Variants in MARCHF8 observed in about 807,000 individuals in gnomAD.
The protein encoded by MARCHF8 is E3 ubiquitin-protein ligase MARCHF8.
In MARCHF8, 40 loss-of-function variants were observed where a neutral mutation model predicts 51.6. The ratio of observed to expected loss-of-function variants is 0.77; its 90% confidence interval spans 0.60 to 1.01. The LOEUF (loss-of-function observed/expected upper bound fraction) is 1.01. MARCHF8 is among the 50% of genes least tolerant of loss of function. The pLI, the probability that MARCHF8 is intolerant of heterozygous loss-of-function variation, is 0.00. For missense variants in MARCHF8, 685 were observed against 708.6 expected, an observed-to-expected ratio of 0.97 and a Z score of 0.38; for synonymous variants, 263 against 280.3, an observed-to-expected ratio of 0.94 and a Z score of 0.62.
Position 45,535,348 on chromosome 10 carries a change from T to C in MARCHF8, c.-216A>G, listed in dbSNP as rs1169057731. On this transcript the variant is annotated 5_prime_UTR_variant, in exon 1 of 8. It adds an upstream start codon to the 5' untranslated region. Coordinates refer to ENST00000453424, the MANE Select transcript of MARCHF8 (RefSeq NM_001282866.2). The stretch of plus-strand genomic sequence containing the variant: ...TTGGAATACTTGGTCAAACTGACGA[T>C]ATCCACAGCCCTATACCTACCATGC... 1 of 152,238 alleles carries C rather than the reference T, an allele frequency of 6.6e-6. No homozygotes were observed. The highest frequency in any genetic ancestry group is 1.5e-5 in the Non-Finnish European group (1 of 68,048). 9.4% of individuals were successfully genotyped at this position (152,238 alleles called of 1,614,324 possible). A position where few individuals can be genotyped will look rare whatever the true frequency, so the allele number is the denominator to read the frequency against.
At chr10:45,469,186 C>T (rs1843075536) in intron 3 of MARCHF8, among the ~76,000 whole-genome samples, 1 of 152,020 alleles carries the variant, frequency 6.6e-6, no homozygotes, top group African/African-American at 2.4e-5. Flanking sequence ...GGCACCACTG[C>T]CATCTGTGCT....
chr10:45,558,653 G>T, intron 1 of MARCHF8, among the ~76,000 whole-genome samples: 1 of 152,160 alleles, frequency 6.6e-6, no homozygotes, highest in East Asian at 1.9e-4. Flanking sequence ...GGTGCCAGGC[G>T]CACGGTGGTG....
chr10:45,464,080 T>C (rs1842887425), intron 4 of MARCHF8, 84 bp from the exon 5 acceptor site: 5 of 1,501,844 alleles, frequency 3.3e-6, no homozygotes, highest in Non-Finnish European at 4.4e-6. Context: ...GAAATGAGAC[T>C]AGCATGGGTA....
At chr10:45,522,581 C>A (rs866039943) in intron 2 of MARCHF8, among the ~76,000 whole-genome samples, 36 of 152,326 alleles carry the variant, frequency 2.4e-4, no homozygotes, top group African/African-American at 8.2e-4. Context: ...TACATAAACA[C>A]TACCTTAATC....
intron 1 of MARCHF8, among the ~76,000 whole-genome samples, chr10:45,574,712 G>A (rs899036397): frequency 6.6e-6 from 1 of 152,104 alleles, no homozygotes; most frequent in African/African-American, 2.4e-5. Context: ...GGCGGCTACC[G>A]CTGCCTTAAT....
At chr10:45,498,611 G>T (rs959603211) in intron 2 of MARCHF8, among the ~76,000 whole-genome samples, 2 of 152,070 alleles carry the variant, frequency 1.3e-5, no homozygotes, top group South Asian at 4.1e-4. Context: ...AAGTAGCTGG[G>T]ATTACAGGTA....
At chr10:45,489,226 T>C in intron 3 of MARCHF8, 141 bp downstream of exon 3, 1 of 626,218 alleles carries the variant, frequency 1.6e-6, no homozygotes, top group Non-Finnish European at 2.7e-6. Flanking sequence ...ACATACCTCT[T>C]ATGGTCCCAG....
rs772440557 is a variant in MARCHF8 at position 45,458,551 on chromosome 10, G to A, written c.1418-8C>T. The A allele has an allele frequency of 3.2e-6, 5 of 1,567,210 alleles. No individual in the cohort carries two copies. The Admixed American group carries it at 1.0e-4, about 32-fold the overall frequency. ...AGGGCCATTCTAGGATTCCTGGAAG[G>A]GAAAAACTCAGCCTATTAGATTTTA... On this transcript the variant is annotated splice_region_variant and splice_polypyrimidine_tract_variant and intron_variant, in intron 7 of 7. Coordinates refer to ENST00000453424, the MANE Select transcript of MARCHF8 (RefSeq NM_001282866.2).
chr10:45,567,578 G>A (rs1277056557), intron 1 of MARCHF8, among the ~76,000 whole-genome samples: 1 of 152,078 alleles, frequency 6.6e-6, no homozygotes, highest in African/African-American at 2.4e-5. Flanking sequence ...TCAAAAATGA[G>A]CTCACTGTAC....
At chr10:45,485,037 G>C (rs1564477888) in intron 3 of MARCHF8, among the ~76,000 whole-genome samples, 1 of 152,182 alleles carries the variant, frequency 6.6e-6, no homozygotes, top group Non-Finnish European at 1.5e-5. Flanking sequence ...AGTTTAGGAG[G>C]CCTGGGCCTG....
At chr10:45,481,328 C>T (rs993676770) in intron 3 of MARCHF8, among the ~76,000 whole-genome samples, 4 of 152,090 alleles carry the variant, frequency 2.6e-5, no homozygotes, top group Admixed American at 6.5e-5. Flanking sequence ...TGCTGAAATG[C>T]GTTAAGACTT....
At chr10:45,481,770 A>T (rs999609716) in intron 3 of MARCHF8, among the ~76,000 whole-genome samples, 8 of 152,218 alleles carry the variant, frequency 5.3e-5, no homozygotes, top group Admixed American at 5.2e-4. Context: ...AAACAGACTA[A>T]TACACCCACT....
intron 2 of MARCHF8, among the ~76,000 whole-genome samples, chr10:45,503,473 T>C (rs1298921474): frequency 3.3e-5 from 5 of 151,698 alleles, no homozygotes; most frequent in Admixed American, 3.3e-4. Flanking sequence ...GAGGCAGAGG[T>C]TGCAGTGAGC....
intron 3 of MARCHF8, among the ~76,000 whole-genome samples, chr10:45,481,952 G>T (rs2042894820): frequency 6.6e-6 from 1 of 152,138 alleles, no homozygotes; most frequent in African/African-American, 2.4e-5. Flanking sequence ...ACTTAGATCT[G>T]ATAAATTTGG....
At chr10:45,461,599 C>T (rs368707659) in intron 5 of MARCHF8, 188 bp from the exon 6 acceptor site, 20 of 417,684 alleles carry the variant, frequency 4.8e-5, no homozygotes, top group African/African-American at 3.5e-4. Flanking sequence ...GCTTACCGCA[C>T]CAACATGGAA....
chr10:45,487,096 C>T (rs2042994661), intron 3 of MARCHF8, among the ~76,000 whole-genome samples: 1 of 152,060 alleles, frequency 6.6e-6, no homozygotes, highest in Non-Finnish European at 1.5e-5. Flanking sequence ...CAGGTGTGAG[C>T]CACCACGCCT....
chr10:45,536,810 A>AC (rs1417288703), upstream of MARCHF8, among the ~76,000 whole-genome samples: 1 of 148,808 alleles, frequency 6.7e-6, no homozygotes, highest in Non-Finnish European at 1.5e-5. Context: ...AGTGTGTGAA[A>AC]CATAGCGAGG....
intron 2 of MARCHF8, among the ~76,000 whole-genome samples, chr10:45,506,049 AATTAG>A (rs1288518799): frequency 2.8e-5 from 4 of 143,750 alleles, no homozygotes; most frequent in African/African-American, 9.8e-5. Context: ...GGGATTAACA[AATTAG>A]ATTATAAAAT....
Position 45,521,910 on chromosome 10 carries a change from T to C in MARCHF8, c.102+11200A>G, listed in dbSNP as rs557958320. 3.3e-5 allele frequency among the ~76,000 whole-genome samples: 5 copies of C among 152,316 alleles called. No individual in the cohort carries two copies. The South Asian group carries it at 8.3e-4, about 25-fold the overall frequency. On this transcript the variant is annotated intron_variant, in intron 2 of 7. Transcript: ENST00000453424. ...TCTCTGATATACATATTCTGATGCA[T>C]AAAATTAACTGTAATTCTATCATTA...
Sources: allele counts gnomAD v4.1 joint callset (sites outside exome capture counted in the v4.1 genomes callset), GRCh38; gene constraint gnomAD v4.1.1; transcripts MANE v1.5; gene names NCBI Gene and HGNC (gene_info 2026-07-23, HGNC 2026-07-21).